The following OR4Q3 variants were observed in gnomAD, a reference collection of about 807,000 sequenced individuals.
OR4Q3 encodes the protein olfactory receptor 4Q3.
Under a neutral mutation model 18.8 loss-of-function variants are expected in OR4Q3, and 17 were observed. The ratio of observed to expected loss-of-function variants is 0.91; its 90% confidence interval spans 0.62 to 1.36. The LOEUF is 1.36. Ranked by LOEUF, OR4Q3 falls within the 40% of genes most tolerant of loss-of-function variation. The pLI is 0.00. For missense variants in OR4Q3, 378 were observed against 373.4 expected, an observed-to-expected ratio of 1.01 and a Z score of -0.10; for synonymous variants, 158 against 145.8, an observed-to-expected ratio of 1.08 and a Z score of -0.60.
chr14:19,745,195 T>A, intron 1 of OR4Q3, among the ~76,000 whole-genome samples: 2 of 152,196 alleles, frequency 1.3e-5, no homozygotes, highest in Non-Finnish European at 2.9e-5. Flanking sequence ...ACCTAGGAAC[T>A]GTCCAGAATA....
chr14:19,748,141 C>T, exon 2 of OR4Q3: 2 of 1,613,980 alleles, frequency 1.2e-6, no homozygotes, highest in Admixed American at 3.3e-5. Flanking sequence ...ACAAGGTCTT[C>T]TCTACCTGTG....
intron 1 of OR4Q3, among the ~76,000 whole-genome samples, chr14:19,743,985 A>C (rs1877372431): frequency 1.3e-5 from 2 of 152,286 alleles, no homozygotes; most frequent in Middle Eastern, 3.4e-3. Flanking sequence ...ATATTTTCTT[A>C]AGACTACCTA....
At chr14:19,748,818 A>G in exon 2 of OR4Q3, 2 of 167,692 alleles carry the variant, frequency 1.2e-5, no homozygotes, top group African/African-American at 2.4e-5. Flanking sequence ...AGTAGTGTGA[A>G]TTTCTTTGTT....
chr14:19,749,804 TTCTCTC>T, downstream of OR4Q3, among the ~76,000 whole-genome samples: 7 of 141,404 alleles, frequency 5.0e-5, no homozygotes, highest in South Asian at 2.3e-4. Flanking sequence ...TTCTCTCTCT[TTCTCTC>T]TATTTCTTAG....
downstream of OR4Q3, among the ~76,000 whole-genome samples, chr14:19,751,901 T>G: frequency 6.6e-6 from 1 of 152,252 alleles, no homozygotes; most frequent in Non-Finnish European, 1.5e-5. Flanking sequence ...CTCTAATTTT[T>G]GTTATTTCTT....
At chr14:19,743,650 A>G (rs1224576383) in exon 1 of OR4Q3, 1 of 152,318 alleles carries the variant, frequency 6.6e-6, no homozygotes, top group Non-Finnish European at 1.5e-5. Context: ...TTGAAACCAC[A>G]TAGCTTCTGA....
At position 19,744,349 on chromosome 14, in the gene OR4Q3, C is replaced by T. The variant is rs369592111; in HGVS notation, c.2+678C>T. Among the ~76,000 whole-genome samples, 145 of 152,208 alleles carry T rather than the reference C, an allele frequency of 9.5e-4. 1 individual carries two copies. The highest frequency in any genetic ancestry group is 3.4e-3 in the African/African-American group (141 of 41,532). ...ATAATGCATTTAGCTCCACACAGAC[C>T]AAAATAAATACAAGACAAACATAAT... On this transcript the variant is annotated intron_variant, in intron 1 of 1. Transcript: ENST00000642117.
exon 2 of OR4Q3, chr14:19,748,136 G>T: frequency 8.7e-6 from 14 of 1,613,924 alleles, no homozygotes; most frequent in African/African-American, 4.0e-5. Context: ...CCAGAACAAG[G>T]TCTTCTCTAC....
chr14:19,744,639 A>G (rs764621617), intron 1 of OR4Q3, among the ~76,000 whole-genome samples: 16 of 152,186 alleles, frequency 1.1e-4, no homozygotes, highest in Non-Finnish European at 1.8e-4. Context: ...CATTTTGTGT[A>G]CTTAAAAATA....
chr14:19,749,931 CTCTT>C, downstream of OR4Q3, among the ~76,000 whole-genome samples: 14 of 135,862 alleles, frequency 1.0e-4, no homozygotes, highest in African/African-American at 3.9e-4. Flanking sequence ...CTTTCTCTCT[CTCTT>C]TCTTCTTTTT....
chr14:19,749,856 TTC>T, downstream of OR4Q3, among the ~76,000 whole-genome samples: 1 of 4,094 alleles, frequency 2.4e-4, no homozygotes, highest in Admixed American at 3.1e-3. Flanking sequence ...ACTTCTTTCT[TTC>T]TTTCTTTCTT....
At chr14:19,748,185 T>C in exon 2 of OR4Q3, 4 of 1,614,140 alleles carry the variant, frequency 2.5e-6, no homozygotes, top group African/African-American at 2.7e-5. Flanking sequence ...CTGATCTTCG[T>C]GCCATGCGTA....
chr14:19,744,286 C>T (rs1158144223), intron 1 of OR4Q3, among the ~76,000 whole-genome samples: 1 of 152,004 alleles, frequency 6.6e-6, no homozygotes, highest in African/African-American at 2.4e-5. Context: ...GCTAGCCAAT[C>T]ATTTTCTATT....
intron 1 of OR4Q3, among the ~76,000 whole-genome samples, chr14:19,746,038 G>A: frequency 2.3e-4 from 35 of 152,050 alleles, no homozygotes; most frequent in Middle Eastern, 3.4e-3. Context: ...AGAAAGTTTT[G>A]TTGTCATTAG....
At chr14:19,750,033 G>A, downstream of OR4Q3, among the ~76,000 whole-genome samples, 1 of 144,148 alleles carries the variant, frequency 6.9e-6, no homozygotes, top group South Asian at 2.2e-4. Flanking sequence ...CTCCCAGGCT[G>A]GAGTGCAGTG....
At chr14:19,746,282 C>A in intron 1 of OR4Q3, among the ~76,000 whole-genome samples, 1 of 152,220 alleles carries the variant, frequency 6.6e-6, no homozygotes, top group East Asian at 1.9e-4. Context: ...TTTTTAACTA[C>A]TTCAATGGAA....
At chr14:19,746,230 C>T in intron 1 of OR4Q3, among the ~76,000 whole-genome samples, 3 of 151,966 alleles carry the variant, frequency 2.0e-5, no homozygotes, top group African/African-American at 7.2e-5. Flanking sequence ...TTGTCTATAG[C>T]TGGTTTTAGA....
chr14:19,748,680 A>C, exon 2 of OR4Q3: 1 of 302,500 alleles, frequency 3.3e-6, no homozygotes, highest in Non-Finnish European at 6.1e-6. Context: ...CATTTATTCA[A>C]TTTTTTCCAC....
At chr14:19,747,589 C>T in exon 2 of OR4Q3, 10 of 1,613,830 alleles carry the variant, frequency 6.2e-6, no homozygotes, top group South Asian at 2.2e-5. Context: ...CCCATGCTCA[C>T]CTGCTCCAAT....
Sources: gnomAD v4.1 joint callset for allele counts (sites outside exome capture counted in the v4.1 genomes callset) on GRCh38, gnomAD v4.1.1 for gene constraint, MANE v1.5 for transcripts, NCBI Gene and HGNC (gene_info 2026-07-23, HGNC 2026-07-21) for gene names.